The following ZNF701 variants were observed in gnomAD, a reference collection of about 807,000 sequenced individuals.
ZNF701 encodes the protein zinc finger protein 701.
Under a neutral mutation model 7.1 loss-of-function variants are expected in ZNF701, and 6 were observed. That is an observed-to-expected ratio of 0.84 (90% CI 0.46 to 1.66). The LOEUF (loss-of-function observed/expected upper bound fraction) is 1.66, where lower values mean the gene tolerates loss of function less well. Among genes scored for constraint, ZNF701 ranks in the 40% most tolerant of loss-of-function variants. ZNF701 has a pLI of 0.01. For synonymous variants in ZNF701, 166 were observed against 188.2 expected (o/e 0.88, Z 0.97); for missense variants, 541 against 559.2 (o/e 0.97, Z 0.33).
rs998169900 is a variant in ZNF701 at position 52,586,478 on chromosome 19, C to T, written c.*3021C>T. 6.6e-6 allele frequency: 1 copy of T among 152,192 alleles called. No individual in the cohort carries two copies. The highest frequency in any genetic ancestry group is 2.4e-5 in the African/African-American group (1 of 41,446). The allele number at this position is 152,192 out of a possible 1,614,324, so 9.4% of individuals were successfully genotyped here. A position where few individuals can be genotyped will look rare whatever the true frequency, so the allele number is the denominator to read the frequency against. On this transcript the variant is annotated 3_prime_UTR_variant, in exon 4 of 4. Coordinates refer to ENST00000391785, the MANE Select transcript of ZNF701 (RefSeq NM_018260.3). ...ACCATTTTGCCAGGTTTGTCTCAAA[C>T]TCCTCGGCTTAACTGATCCGCTTGC... is the stretch of plus-strand genomic sequence containing the variant.
intron 1 of ZNF701, among the ~76,000 whole-genome samples, chr19:52,571,365 G>A (rs375939838): frequency 4.9e-4 from 75 of 152,136 alleles, no homozygotes; most frequent in South Asian, 4.1e-4. Context: ...TAGAGAGTGG[G>A]GACGGGGGGT....
the ZNF701 span, chr19:52,596,308 C>G: frequency 4.9e-6 from 2 of 410,142 alleles, no homozygotes; most frequent in Admixed American, 6.8e-5. Context: ...GTTCCAAGAC[C>G]TTCAATCAGA....
In ZNF701 at chr19:52,586,766, C is replaced by A. The variant is rs1313552442; in HGVS notation, c.*3309C>A. On this transcript the variant is annotated 3_prime_UTR_variant, in exon 4 of 4. Transcript: ENST00000391785. ...AGCTCAGTCAGAGTGACACTGACCCCTGAAATGATGGGCACAATGGAGTGT... is the reference window on the plus strand; with the variant it reads ...AGCTCAGTCAGAGTGACACTGACCCATGAAATGATGGGCACAATGGAGTGT... 1 of 152,186 alleles carries A rather than the reference C, an allele frequency of 6.6e-6. No homozygotes were observed. Among genetic ancestry groups the A allele is most frequent in the Admixed American group, 6.5e-5 (1 of 15,274 alleles). The allele number at this position is 152,186 out of a possible 1,614,324, so 9.4% of individuals were successfully genotyped here.
chr19:52,573,872 G>A (rs573304713), intron 1 of ZNF701, among the ~76,000 whole-genome samples: 3 of 152,316 alleles, frequency 2.0e-5, no homozygotes, highest in South Asian at 2.1e-4. Flanking sequence ...GCTCATTCCA[G>A]CCCAGCTCCC....
rs2059959947 is a variant in ZNF701 at position 52,579,333 on chromosome 19, T to C, written c.143-2869T>C. Among the ~76,000 whole-genome samples the C allele has an allele frequency of 2.2e-5, 3 of 138,356 alleles. No homozygotes were observed. In the South Asian group the frequency reaches 6.4e-4, roughly 29 times the overall value. The allele number at this position is 138,356 out of a possible 152,430, so 90.8% of individuals were successfully genotyped here. A position where few individuals can be genotyped will look rare whatever the true frequency, so the allele number is the denominator to read the frequency against. The stretch of plus-strand genomic sequence containing the variant: ...CCTGAGGTCAGGAGTTCAAGACCAG[T>C]CTCAACATGGAGAAACCCCGTCTCT... On this transcript the variant is annotated intron_variant, in intron 3 of 3. Transcript: ENST00000391785.
chr19:52,586,890 A>C lies in ZNF701; in HGVS notation c.*3433A>C, dbSNP rs2060015634. ...CAGGATTAGACTCAAATCACCTTGA[A>C]CCTTATCATCTCATGGCTTTGACCC... is the stretch of plus-strand genomic sequence containing the variant. On this transcript the variant is annotated 3_prime_UTR_variant, in exon 4 of 4. Transcript: ENST00000391785. The C allele has an allele frequency of 6.6e-6, 1 of 152,090 alleles. No individual in the cohort carries two copies. Among genetic ancestry groups the C allele is most frequent in the Non-Finnish European group, 1.5e-5 (1 of 68,010 alleles). The allele number at this position is 152,090 out of a possible 1,614,324, so 9.4% of individuals were successfully genotyped here.
At position 52,583,751 on chromosome 19, in the gene ZNF701, T is replaced by C; in HGVS notation, c.*294T>C. The C allele has an allele frequency of 4.3e-6, 3 of 689,802 alleles. No homozygotes were observed. The highest frequency in any genetic ancestry group is 7.9e-6 in the Non-Finnish European group (3 of 378,124). The allele number at this position is 689,802 out of a possible 1,614,324, so 42.7% of individuals were successfully genotyped here. A position where few individuals can be genotyped will look rare whatever the true frequency, so the allele number is the denominator to read the frequency against. On this transcript the variant is annotated 3_prime_UTR_variant, in exon 4 of 4. Transcript: ENST00000391785. ...GAGCCTTTGGTGGTCAGTCAACACT[T>C]ACTCACCATCAAGCAATCCATGGTA...
Position 52,582,726 on chromosome 19 carries a change from G to T in ZNF701, c.667G>T (p.Ala223Ser), listed in dbSNP as rs1374132713. 1 of 1,614,140 alleles carries T rather than the reference G, an allele frequency of 6.2e-7. No homozygotes were observed. Among genetic ancestry groups the T allele is most frequent in the East Asian group, 2.2e-5 (1 of 44,878 alleles). ...KSFQRNESGK[A>S]FNGSSLLKKH... ...TTTCCAACGTAATGAGAGTGGCAAA[G>T]CCTTTAATGGTAGCTCACTCTTAAA... The change falls in exon 4 of 4, where the codon GCC becomes TCC. Residue 223 changes from alanine to serine, a missense_variant. By Grantham distance (99) the Ala-to-Ser change is moderately conservative. Transcript: ENST00000391785.
At chr19:52,582,103 G>T in intron 3 of ZNF701, 99 bp from the exon 4 acceptor site, 1 of 1,105,690 alleles carries the variant, frequency 9.0e-7, no homozygotes, top group Non-Finnish European at 1.2e-6. Context: ...TGTTTGGGAA[G>T]TTTAAAATAA....
At chr19:52,587,865 T>C (rs568642460), downstream of ZNF701, among the ~76,000 whole-genome samples, 62 of 152,302 alleles carry the variant, frequency 4.1e-4, no homozygotes, top group African/African-American at 1.5e-3. Context: ...TGTCCAGCAT[T>C]GAACATCAAG....
At position 52,584,863 on chromosome 19, in the gene ZNF701, A is replaced by C. The variant is rs599859; in HGVS notation, c.*1406A>C. 47,822 of 152,204 alleles carry C rather than the reference A, an allele frequency of 0.31. 7,753 individuals are homozygous for C. Among genetic ancestry groups the C allele is most frequent in the Middle Eastern group, 0.38 (110 of 292 alleles). 9.4% of individuals were successfully genotyped at this position (152,204 alleles called of 1,614,324 possible). A position where few individuals can be genotyped will look rare whatever the true frequency, so the allele number is the denominator to read the frequency against. ...CTTCGCCTCCCGTCTGGCCTGACCC[A>C]GGCCCCGCCCACCTCCTCGGGGGTC... On this transcript the variant is annotated 3_prime_UTR_variant, in exon 4 of 4. Coordinates refer to ENST00000391785, the MANE Select transcript of ZNF701 (RefSeq NM_018260.3).
At chr19:52,595,624 T>C in the ZNF701 span, 1 of 1,150,478 alleles carries the variant, frequency 8.7e-7, no homozygotes, top group Non-Finnish European at 1.2e-6. Flanking sequence ...TAGATAGCTC[T>C]TTAAAATCCA....
chr19:52,592,016 A>G, downstream of ZNF701: 1 of 624,080 alleles, frequency 1.6e-6, no homozygotes, highest in East Asian at 2.7e-5. Context: ...GATCAAATCG[A>G]TACTTATTTT....
At chr19:52,593,820 C>T in the ZNF701 span, among the ~76,000 whole-genome samples, 1 of 113,214 alleles carries the variant, frequency 8.8e-6, no homozygotes, top group Non-Finnish European at 1.9e-5. Context: ...CAGAGACGCT[C>T]CTCACTTTCC....
chr19:52,593,608 GC>G, the ZNF701 span, among the ~76,000 whole-genome samples: 2 of 113,800 alleles, frequency 1.8e-5, 1 homozygote, highest in African/African-American at 7.0e-5. Context: ...AGACGGGGTG[GC>G]TGCTGGGCGG....
intron 2 of ZNF701, among the ~76,000 whole-genome samples, chr19:52,574,880 C>T (rs1432994326): frequency 1.3e-5 from 2 of 152,094 alleles, no homozygotes; most frequent in Admixed American, 6.6e-5. Flanking sequence ...AATATGGGAG[C>T]AGTACTTGCA....
downstream of ZNF701, among the ~76,000 whole-genome samples, chr19:52,587,828 T>TA (rs2060020944): frequency 6.6e-6 from 1 of 152,204 alleles, no homozygotes; most frequent in African/African-American, 2.4e-5. Context: ...CCCTCAATAA[T>TA]ACAATGGCAC....
chr19:52,592,223 T>C, the ZNF701 span: 2 of 1,578,036 alleles, frequency 1.3e-6, no homozygotes, highest in Non-Finnish European at 1.7e-6. Flanking sequence ...AACCTGGAGT[T>C]TGTGGGTGAG....
the ZNF701 span, chr19:52,598,752 TA>T: frequency 2.0e-5 from 3 of 150,196 alleles, no homozygotes; most frequent in African/African-American, 4.9e-5. Flanking sequence ...CTACTAAAAA[TA>T]AAAAAAAACA....
Sources: gnomAD v4.1 joint callset for allele counts (sites outside exome capture counted in the v4.1 genomes callset) on GRCh38, gnomAD v4.1.1 for gene constraint, MANE v1.5 for transcripts, NCBI Gene and HGNC (gene_info 2026-07-23, HGNC 2026-07-21) for gene names.